The following SAMSN1 variants were observed in gnomAD, a reference collection of about 807,000 sequenced individuals.
SAMSN1 encodes SAM domain-containing protein SAMSN-1.
In SAMSN1, 31 loss-of-function variants were observed where a neutral mutation model predicts 42.0. The observed-to-expected ratio is 0.74, with a 90% CI of 0.55 to 1.00. The LOEUF (loss-of-function observed/expected upper bound fraction) is 1.00, where lower values mean the gene tolerates loss of function less well. SAMSN1 is among the 50% of genes least tolerant of loss of function. The pLI, the probability that SAMSN1 is intolerant of heterozygous loss-of-function variation, is 0.00. For missense variants in SAMSN1, 464 were observed against 439.4 expected, an observed-to-expected ratio of 1.06 and a Z score of -0.50; for synonymous variants, 178 against 151.9, an observed-to-expected ratio of 1.17 and a Z score of -1.26.
chr21:14,610,147 T>C (rs1037538547), intron 4 of SAMSN1, among the ~76,000 whole-genome samples: 1 of 152,178 alleles, frequency 6.6e-6, no homozygotes, highest in Non-Finnish European at 1.5e-5. Context: ...CCGGGCATGA[T>C]GGAGCCATAT....
chr21:14,532,201 A>G (rs1979311433), intron 1 of SAMSN1, among the ~76,000 whole-genome samples: 1 of 152,224 alleles, frequency 6.6e-6, no homozygotes, highest in East Asian at 1.9e-4. Flanking sequence ...TTTTAGAAAT[A>G]ATAAAACTGA....
chr21:14,526,490 A>G (rs1978867690), intron 1 of SAMSN1, among the ~76,000 whole-genome samples: 1 of 152,178 alleles, frequency 6.6e-6, no homozygotes, highest in African/African-American at 2.4e-5. Flanking sequence ...AATATAAAAG[A>G]ACTTAAGGCG....
At chr21:14,618,964 A>G (rs1460004725) in intron 2 of SAMSN1, among the ~76,000 whole-genome samples, 2 of 152,208 alleles carry the variant, frequency 1.3e-5, no homozygotes, top group African/African-American at 4.8e-5. Flanking sequence ...AAAAAATGAA[A>G]TGTAGAAAAA....
chr21:14,491,360 A>G (rs889415688), intron 7 of SAMSN1, among the ~76,000 whole-genome samples: 4 of 151,850 alleles, frequency 2.6e-5, no homozygotes, highest in Non-Finnish European at 4.4e-5. Flanking sequence ...CTCCTGCCTC[A>G]GCCTCCCAGA....
intron 3 of SAMSN1, among the ~76,000 whole-genome samples, chr21:14,615,814 G>A (rs1279975373): frequency 8.3e-6 from 1 of 121,126 alleles, no homozygotes; most frequent in East Asian, 2.6e-4. Flanking sequence ...AGCATAAACA[G>A]AGAAATGATA....
Position 14,610,983 on chromosome 21 carries a change from T to C in SAMSN1, c.236-1415A>G, listed in dbSNP as rs1982691078. 3.9e-5 allele frequency among the ~76,000 whole-genome samples: 6 copies of C among 152,312 alleles called. No individual in the cohort carries two copies. In the South Asian group the frequency reaches 1.2e-3, roughly 32 times the overall value. On this transcript the variant is annotated intron_variant, in intron 4 of 15. Coordinates refer to the SAMSN1 transcript ENST00000647101. ...CTCTGTTGCCCAGGTTGGAGTACAG[T>C]GGTGTGATCATAGCTCATTGTGGCC...
At chr21:14,552,385 G>A (rs1343535925) in intron 2 of SAMSN1, among the ~76,000 whole-genome samples, 1 of 152,098 alleles carries the variant, frequency 6.6e-6, no homozygotes, top group African/African-American at 2.4e-5. Flanking sequence ...CACCCGCAAG[G>A]TGGAAGGTAA....
intron 2 of SAMSN1, among the ~76,000 whole-genome samples, chr21:14,626,115 T>C (rs1232182526): frequency 6.6e-6 from 1 of 152,156 alleles, no homozygotes; most frequent in African/African-American, 2.4e-5. Flanking sequence ...TTACACCTTA[T>C]ACAAAAATTA....
chr21:14,503,544 C>T (rs946275526), intron 5 of SAMSN1, among the ~76,000 whole-genome samples: 1 of 152,102 alleles, frequency 6.6e-6, no homozygotes, highest in African/African-American at 2.4e-5. Flanking sequence ...TTTGATGCCT[C>T]TGAGCTTGAG....
intron 2 of SAMSN1, among the ~76,000 whole-genome samples, chr21:14,567,207 A>C (rs1444185953): frequency 6.6e-6 from 1 of 152,076 alleles, no homozygotes; most frequent in Non-Finnish European, 1.5e-5. Context: ...GGAAAATAAC[A>C]GTAAAGAACA....
At chr21:14,577,922 A>G (rs1981560734) in intron 2 of SAMSN1, among the ~76,000 whole-genome samples, 1 of 152,140 alleles carries the variant, frequency 6.6e-6, no homozygotes, top group South Asian at 2.1e-4. Context: ...GACACTACAA[A>G]CAACTTAACT....
chr21:14,577,199 G>A (rs1440787317), intron 2 of SAMSN1, among the ~76,000 whole-genome samples: 2 of 128,050 alleles, frequency 1.6e-5, no homozygotes, highest in African/African-American at 5.9e-5. Context: ...GGGATTACAG[G>A]TGCATGTCAC....
At chr21:14,609,543 G>A in exon 5 of SAMSN1, 2 of 717,956 alleles carry the variant, frequency 2.8e-6, no homozygotes, top group Non-Finnish European at 2.6e-6. Context: ...GTTCCTGCCA[G>A]ATTTTGTCAT....
At chr21:14,567,315 CA>C (rs2091970147) in intron 2 of SAMSN1, among the ~76,000 whole-genome samples, 2 of 132,154 alleles carry the variant, frequency 1.5e-5, no homozygotes, top group East Asian at 2.2e-4. Flanking sequence ...AAAAAAAACA[CA>C]AAAAATGACC....
At chr21:14,648,488 A>C (rs564940391) in intron 1 of SAMSN1, among the ~76,000 whole-genome samples, 12 of 152,268 alleles carry the variant, frequency 7.9e-5, no homozygotes, top group East Asian at 7.7e-4. Context: ...AGGCAACCTA[A>C]AAAATGGGAG....
intron 6 of SAMSN1, among the ~76,000 whole-genome samples, chr21:14,601,012 G>C (rs764062250): frequency 5.3e-5 from 8 of 152,170 alleles, no homozygotes; most frequent in Non-Finnish European, 1.2e-4. Context: ...TCCCATGAAA[G>C]TACTGAGATA....
intron 2 of SAMSN1, among the ~76,000 whole-genome samples, chr21:14,628,938 G>C (rs1203366738): frequency 6.6e-6 from 1 of 152,144 alleles, no homozygotes; most frequent in African/African-American, 2.4e-5. Context: ...ATTTATAGAT[G>C]GGTAAACAGA....
intron 4 of SAMSN1, among the ~76,000 whole-genome samples, 184 bp downstream of exon 4, chr21:14,512,260 T>A (rs564171943): frequency 1.3e-5 from 2 of 152,356 alleles, no homozygotes; most frequent in East Asian, 3.9e-4. Context: ...ACTATATGAC[T>A]GTGTCAAATA....
chr21:14,566,220 T>C (rs1327748229), intron 2 of SAMSN1, among the ~76,000 whole-genome samples: 1 of 152,156 alleles, frequency 6.6e-6, no homozygotes, highest in Non-Finnish European at 1.5e-5. Context: ...AGCTATCAAA[T>C]TTACTAATTG....
Sources: allele counts gnomAD v4.1 joint callset (sites outside exome capture counted in the v4.1 genomes callset), GRCh38; gene constraint gnomAD v4.1.1; transcripts MANE v1.5; gene names NCBI Gene and HGNC (gene_info 2026-07-23, HGNC 2026-07-21).